EHD4: variants seen among roughly 807,000 people sequenced by gnomAD.
EHD4 encodes EH domain containing 4, also known as EH domain-containing protein 4.
EHD4 carries 37 observed loss-of-function variants against 51.0 expected under a neutral mutation model. The observed-to-expected ratio is 0.73, with a 90% CI of 0.56 to 0.95. EHD4 has a LOEUF of 0.95. Among genes scored for constraint, EHD4 ranks in the 40% least tolerant of loss-of-function variants. The pLI, the probability that EHD4 is intolerant of heterozygous loss-of-function variation, is 0.00. For synonymous variants in EHD4, 297 were observed against 317.3 expected (o/e 0.94, Z 0.68); for missense variants, 632 against 733.1 (o/e 0.86, Z 1.59).
chr15:41,929,772 A>G lies in EHD4; in HGVS notation c.512-10150T>C, dbSNP rs73410619. Among the ~76,000 whole-genome samples the G allele has an allele frequency of 7.8e-3, 1,189 of 152,290 alleles. 23 individuals are homozygous for G. Among genetic ancestry groups the G allele is most frequent in the African/African-American group, 0.027 (1,132 of 41,560 alleles). ...TCTTTCTAGATCTTAAATTTTAGCTATATAGGGTGGTTCCAAACAGTAAGC... is the reference window on the plus strand; with the variant it reads ...TCTTTCTAGATCTTAAATTTTAGCTGTATAGGGTGGTTCCAAACAGTAAGC... On this transcript the variant is annotated intron_variant, in intron 3 of 5. Coordinates refer to ENST00000220325, the MANE Select transcript of EHD4 (RefSeq NM_139265.4).
chr15:41,958,161 C>T (rs992203761), intron 1 of EHD4, among the ~76,000 whole-genome samples: 13 of 152,008 alleles, frequency 8.6e-5, no homozygotes, highest in African/African-American at 3.1e-4. Context: ...AGCTGATTAG[C>T]CCCTCCACAG....
At chr15:41,913,777 G>A (rs377017807) in intron 4 of EHD4, among the ~76,000 whole-genome samples, 1 of 152,148 alleles carries the variant, frequency 6.6e-6, no homozygotes, top group East Asian at 1.9e-4. Context: ...GGTTCCAAGT[G>A]TTTAATTTAC....
In EHD4 at chr15:41,919,426, G is replaced by A. The variant is rs1396555891; in HGVS notation, c.708C>T (p.Tyr236=). ...TGCCTAGGGACCACATGAGGGCCCC[G>A]TAGACCCGCATCAGCTGCTGCGTGT... is the stretch of plus-strand genomic sequence containing the variant. ...QVDTQQLMRV[Y]GALMWSLGKV... Residue 236 remains tyrosine (Y), a synonymous_variant, in exon 4 of 6, where the codon TAC becomes TAT. Coordinates refer to ENST00000220325, the MANE Select transcript of EHD4 (RefSeq NM_139265.4). 5.7e-6 allele frequency: 9 copies of A among 1,590,166 alleles called. No individual in the cohort carries two copies. The highest frequency in any genetic ancestry group is 2.2e-5 in the East Asian group (1 of 44,664).
At chr15:41,922,394 A>G (rs187426890) in intron 3 of EHD4, among the ~76,000 whole-genome samples, 35 of 152,284 alleles carry the variant, frequency 2.3e-4, no homozygotes, top group Admixed American at 2.3e-3. Context: ...ACAAAAACAA[A>G]ACAAAACAAA....
chr15:41,923,219 C>T (rs757296461), intron 3 of EHD4, among the ~76,000 whole-genome samples: 1 of 152,184 alleles, frequency 6.6e-6, no homozygotes, highest in Admixed American at 6.5e-5. Context: ...TTTGACTACT[C>T]TAGGTACTTC....
At chr15:41,964,673 C>G (rs1285689221) in intron 1 of EHD4, among the ~76,000 whole-genome samples, 1 of 151,298 alleles carries the variant, frequency 6.6e-6, no homozygotes, top group Non-Finnish European at 1.5e-5. Flanking sequence ...ATTACTGATC[C>G]TCATATTTCT....
intron 5 of EHD4, among the ~76,000 whole-genome samples, chr15:41,906,359 G>T (rs969453911): frequency 6.6e-6 from 1 of 152,158 alleles, no homozygotes; most frequent in Non-Finnish European, 1.5e-5. Context: ...AGCCACACTG[G>T]GGAGATGACC....
chr15:41,968,389 C>T (rs879593645), intron 1 of EHD4, among the ~76,000 whole-genome samples: 1 of 151,482 alleles, frequency 6.6e-6, no homozygotes, highest in African/African-American at 2.4e-5. Context: ...TATACATTGA[C>T]AAGAATACTC....
chr15:41,937,829 C>A (rs1420664027), intron 3 of EHD4, among the ~76,000 whole-genome samples: 2 of 152,178 alleles, frequency 1.3e-5, no homozygotes, highest in African/African-American at 4.8e-5. Flanking sequence ...GTCCAGGCCC[C>A]ATTTCCTAGC....
At chr15:41,902,294 A>T (rs2067482870) in intron 5 of EHD4, among the ~76,000 whole-genome samples, 1 of 139,414 alleles carries the variant, frequency 7.2e-6, no homozygotes, top group African/African-American at 2.9e-5. Flanking sequence ...CATCCATCCA[A>T]CAACCCACCT....
At position 41,898,384 on chromosome 15, in the gene EHD4, A is replaced by G. The variant is rs1293241567; in HGVS notation, c.*2261T>C. Reference sequence around the variant, plus strand: ...CGACATACTCATGTGACACACATGTATATAAATTCATGTTTATATATGACA... The same window carrying G: ...CGACATACTCATGTGACACACATGTGTATAAATTCATGTTTATATATGACA... On this transcript the variant is annotated 3_prime_UTR_variant, in exon 6 of 6. Transcript: ENST00000220325. 1.3e-5 allele frequency: 2 copies of G among 152,268 alleles called. No individual in the cohort carries two copies. Among genetic ancestry groups the G allele is most frequent in the African/African-American group, 4.8e-5 (2 of 41,474 alleles). 9.4% of individuals were successfully genotyped at this position (152,268 alleles called of 1,614,324 possible).
intron 2 of EHD4, among the ~76,000 whole-genome samples, chr15:41,946,922 T>C (rs1293877616): frequency 4.6e-5 from 7 of 152,224 alleles, no homozygotes; most frequent in African/African-American, 1.7e-4. Flanking sequence ...ATAATAATAA[T>C]AAAATAGCAC....
In EHD4 at chr15:41,902,286, T is replaced by C. The variant is rs568179171; in HGVS notation, c.1090-1105A>G. ...ATCCATCCATCCATCCATCCATCCATCCATCCAACAACCCACCTGTCCAAC... is the reference window on the plus strand; with the variant it reads ...ATCCATCCATCCATCCATCCATCCACCCATCCAACAACCCACCTGTCCAAC... On this transcript the variant is annotated intron_variant, in intron 5 of 5. Coordinates refer to ENST00000220325, the MANE Select transcript of EHD4 (RefSeq NM_139265.4). Among the ~76,000 whole-genome samples the C allele has an allele frequency of 1.6e-4, 24 of 151,046 alleles. No individual in the cohort carries two copies. In the South Asian group the frequency reaches 4.8e-3, roughly 30 times the overall value.
chr15:41,914,806 A>T (rs6493011), intron 4 of EHD4, among the ~76,000 whole-genome samples: 9 of 147,942 alleles, frequency 6.1e-5, no homozygotes, highest in African/African-American at 1.3e-4. Flanking sequence ...TTTTTTTTGA[A>T]ATGGAGTCTT....
At position 41,909,768 on chromosome 15, in the gene EHD4, T is replaced by C; in HGVS notation, c.1020A>G (p.Glu340=). ...KKRELISRLP[E]IYIQLQREYQ... ...ATTCTCGCTGTAGCTGAATGTAGAT[T>C]TCCGGTAGCCTGCTGATAAGCTCTC... is the stretch of plus-strand genomic sequence containing the variant. The change falls in exon 5 of 6, where the codon GAA becomes GAG. Residue 340 remains glutamate, a synonymous_variant. Transcript: ENST00000220325. 1 of 1,614,186 alleles carries C rather than the reference T, an allele frequency of 6.2e-7. No homozygotes were observed. The highest frequency in any genetic ancestry group is 1.1e-5 in the South Asian group (1 of 91,080).
intron 2 of EHD4, 142 bp downstream of exon 2, chr15:41,953,622 T>A: frequency 1.0e-6 from 1 of 967,982 alleles, no homozygotes; most frequent in East Asian, 2.6e-5. Context: ...TCAAATATCT[T>A]AATATGATAA....
chr15:41,919,521 CTG>C lies in EHD4; in HGVS notation c.611_612del (p.Ser204Ter). The C allele has an allele frequency of 6.5e-7, 1 of 1,544,684 alleles. No homozygotes were observed. The highest frequency in any genetic ancestry group is 1.3e-5 in the South Asian group (1 of 78,484). On this transcript the variant is annotated frameshift_variant, in exon 4 of 6. Transcript: ENST00000220325. LOFTEE classifies it high-confidence loss of function. Reference protein sequence around the residue: ...AHKLDISDEFSEAIKAFRGQD... With the variant: ...AHKLDISDEFXEAIKAFRGQD... Reference sequence around the variant, plus strand: ...TGGCCCCGGAAGGCCTTGATGGCCTCTGAGAATTCATCTGAGATGTCCAGCTT... The same window carrying C: ...TGGCCCCGGAAGGCCTTGATGGCCTCAGAATTCATCTGAGATGTCCAGCTT...
intron 5 of EHD4, among the ~76,000 whole-genome samples, chr15:41,907,382 T>G (rs779494448): frequency 6.6e-6 from 1 of 152,142 alleles, no homozygotes; most frequent in Admixed American, 6.6e-5. Context: ...AATGGGGAAG[T>G]TGCCCAGGGA....
At chr15:41,956,367 C>T (rs771956154) in intron 1 of EHD4, among the ~76,000 whole-genome samples, 2 of 152,136 alleles carry the variant, frequency 1.3e-5, no homozygotes, top group South Asian at 2.1e-4. Flanking sequence ...ATACGGATAT[C>T]GTAGTTAAGC....
Sources: allele counts gnomAD v4.1 joint callset (sites outside exome capture counted in the v4.1 genomes callset), GRCh38; gene constraint gnomAD v4.1.1; transcripts MANE v1.5; gene names NCBI Gene and HGNC (gene_info 2026-07-23, HGNC 2026-07-21).